Variants in EXOC2 observed in about 807,000 individuals in gnomAD.
EXOC2 encodes the protein SEC5-like 1.
Under a neutral mutation model 131.8 loss-of-function variants are expected in EXOC2, and 70 were observed. The observed-to-expected ratio is 0.53, with a 90% confidence interval of 0.44 to 0.65. The LOEUF (loss-of-function observed/expected upper bound fraction) is 0.65, where lower values mean the gene tolerates loss of function less well. EXOC2 is among the 30% of genes least tolerant of loss of function. The pLI, the probability that EXOC2 is intolerant of heterozygous loss-of-function variation, is 0.00. For missense variants in EXOC2, 923 were observed against 1,108.6 expected (o/e 0.83, Z 2.38); for synonymous variants, 411 against 398.4 (o/e 1.03, Z -0.38).
In EXOC2 at chr6:592,631, C is replaced by A. The variant is rs369469172; in HGVS notation, c.1074-44G>T. On this transcript the variant is annotated intron_variant, in intron 10 of 27. Coordinates refer to ENST00000230449, the MANE Select transcript of EXOC2 (RefSeq NM_018303.6). Reference sequence around the variant, plus strand: ...GGTTGAGGCCAAAGGGAAATGCTGGCATATTTTAAAATCATTACTTTTTAA... The same window carrying A: ...GGTTGAGGCCAAAGGGAAATGCTGGAATATTTTAAAATCATTACTTTTTAA... 75 of 1,453,798 alleles carry A rather than the reference C, an allele frequency of 5.2e-5. 2 individuals carry two copies. Among genetic ancestry groups the A allele is most frequent in the East Asian group, 3.7e-4 (16 of 43,560 alleles). The allele number at this position is 1,453,798 out of a possible 1,614,324, so 90.1% of individuals were successfully genotyped here.
intron 12 of EXOC2, 75 bp from the exon 13 acceptor site, chr6:572,719 C>G: frequency 6.6e-7 from 1 of 1,523,256 alleles, no homozygotes; most frequent in South Asian, 1.3e-5. Context: ...ATTGGCGCAC[C>G]CCCCTCCACT....
intron 11 of EXOC2, among the ~76,000 whole-genome samples, chr6:580,693 G>A (rs1390601472): frequency 6.6e-6 from 1 of 152,042 alleles, no homozygotes; most frequent in African/African-American, 2.4e-5. Flanking sequence ...GCAGCTCACC[G>A]AGGCACTAAC....
intron 1 of EXOC2, chr6:656,607 G>C (rs901552629): frequency 1.3e-6 from 2 of 1,597,838 alleles, no homozygotes; most frequent in African/African-American, 2.7e-5. Flanking sequence ...CACCGCCACC[G>C]TGAGGGAGGG....
chr6:495,871 C>CA (rs1763704656), intron 25 of EXOC2, among the ~76,000 whole-genome samples: 1 of 151,908 alleles, frequency 6.6e-6, no homozygotes, highest in African/African-American at 2.4e-5. Flanking sequence ...GACATTGTCC[C>CA]ACGGGTCGAG....
At chr6:651,964 G>A (rs1418574396) in intron 1 of EXOC2, among the ~76,000 whole-genome samples, 1 of 150,936 alleles carries the variant, frequency 6.6e-6, no homozygotes, top group African/African-American at 2.4e-5. Context: ...ACTGAGGCAG[G>A]AGAATCGCTT....
chr6:592,440 A>C (rs199991062), intron 11 of EXOC2, 29 bp downstream of exon 11: 1 of 1,575,786 alleles, frequency 6.3e-7, no homozygotes, highest in South Asian at 1.1e-5. Context: ...TGAAGGAATC[A>C]CACAACACAT....
intron 6 of EXOC2, among the ~76,000 whole-genome samples, chr6:615,164 A>C (rs907549826): frequency 6.1e-5 from 9 of 147,230 alleles, no homozygotes; most frequent in South Asian, 4.5e-4. Flanking sequence ...AGAGGTTTGA[A>C]AAGTATATGT....
At chr6:542,451 C>A (rs1460806450) in intron 22 of EXOC2, among the ~76,000 whole-genome samples, 1 of 152,038 alleles carries the variant, frequency 6.6e-6, no homozygotes, top group Non-Finnish European at 1.5e-5. Context: ...GAGGAGAGGC[C>A]CTACAGGCTT....
At chr6:533,660 G>A (rs1766243549) in intron 22 of EXOC2, among the ~76,000 whole-genome samples, 1 of 152,186 alleles carries the variant, frequency 6.6e-6, no homozygotes, top group South Asian at 2.1e-4. Context: ...AGCCCTACGT[G>A]AGTGTGCCTT....
chr6:553,329 A>AGT (rs1211886620), intron 21 of EXOC2, among the ~76,000 whole-genome samples: 1 of 152,060 alleles, frequency 6.6e-6, no homozygotes, highest in Non-Finnish European at 1.5e-5. Flanking sequence ...CATTTTAAAA[A>AGT]GTGTGTGTGT....
At chr6:592,630 G>T in intron 10 of EXOC2, 43 bp from the exon 11 acceptor site, 1 of 1,456,240 alleles carries the variant, frequency 6.9e-7, no homozygotes, top group Non-Finnish European at 9.6e-7. Flanking sequence ...GGAAATGCTG[G>T]CATATTTTAA....
intron 1 of EXOC2, among the ~76,000 whole-genome samples, chr6:680,638 C>T (rs528218044): frequency 2.0e-5 from 3 of 152,260 alleles, no homozygotes; most frequent in East Asian, 3.9e-4. Context: ...TCCTTAAGAA[C>T]GCTGACCACA....
At chr6:659,580 C>T (rs371548473) in intron 1 of EXOC2, among the ~76,000 whole-genome samples, 14 of 152,182 alleles carry the variant, frequency 9.2e-5, no homozygotes, top group South Asian at 2.1e-4. Context: ...CTTCCTCTCC[C>T]GAACACACAC....
intron 23 of EXOC2, among the ~76,000 whole-genome samples, chr6:521,537 T>G (rs529067861): frequency 6.6e-6 from 1 of 152,222 alleles, no homozygotes; most frequent in South Asian, 2.1e-4. Flanking sequence ...ATTCTTTTTT[T>G]TTTTTTTCCT....
intron 1 of EXOC2, among the ~76,000 whole-genome samples, chr6:677,364 A>G (rs956491501): frequency 1.3e-5 from 2 of 152,260 alleles, no homozygotes; most frequent in Non-Finnish European, 2.9e-5. Flanking sequence ...TTAGCATTTG[A>G]GGTGGTATAT....
At chr6:555,328 A>G in intron 19 of EXOC2, 40 bp from the exon 20 acceptor site, 6 of 1,311,710 alleles carry the variant, frequency 4.6e-6, no homozygotes, top group Non-Finnish European at 5.3e-6. Context: ...CAGAGGAATG[A>G]ACTCCTAGAC....
At chr6:546,908 G>C (rs1340412137) in intron 22 of EXOC2, among the ~76,000 whole-genome samples, 2 of 152,234 alleles carry the variant, frequency 1.3e-5, no homozygotes, top group Non-Finnish European at 2.9e-5. Flanking sequence ...CCCAACCTCT[G>C]AGTTGTTTAA....
intron 23 of EXOC2, 33 bp downstream of exon 23, chr6:532,436 C>G: frequency 4.0e-6 from 6 of 1,490,220 alleles, no homozygotes; most frequent in Non-Finnish European, 5.3e-6. Context: ...AAAGTATATC[C>G]ACATCTATTA....
intron 1 of EXOC2, among the ~76,000 whole-genome samples, chr6:680,226 C>T (rs964485879): frequency 7.2e-5 from 11 of 152,114 alleles, no homozygotes; most frequent in African/African-American, 2.2e-4. Context: ...TAGTTTGTAC[C>T]TCTACAAATG....
Sources: allele counts gnomAD v4.1 joint callset (sites outside exome capture counted in the v4.1 genomes callset), GRCh38; gene constraint gnomAD v4.1.1; transcripts MANE v1.5; gene names NCBI Gene and HGNC (gene_info 2026-07-23, HGNC 2026-07-21).